Variants in KHDRBS3 observed in about 807,000 individuals in gnomAD.
KHDRBS3 encodes KH RNA binding domain containing, signal transduction associated 3.
KHDRBS3 carries 23 observed loss-of-function variants against 45.6 expected under a neutral mutation model. That is an observed-to-expected ratio of 0.50 (90% CI 0.36 to 0.72). The LOEUF is 0.72. KHDRBS3 is among the 30% of genes least tolerant of loss of function. KHDRBS3 has a pLI of 0.00. For missense variants in KHDRBS3, 352 were observed against 424.8 expected (o/e 0.83, Z 1.51); for synonymous variants, 162 against 156.5 (o/e 1.04, Z -0.26).
At chr8:135,550,068 A>G (rs1199567012) in intron 4 of KHDRBS3, 2 of 152,216 alleles carry the variant, frequency 1.3e-5, no homozygotes, top group African/African-American at 4.8e-5. Flanking sequence ...AGAGTCAGAT[A>G]TGAGTCAGTT....
At chr8:135,589,676 A>G (rs1331978282) in intron 6 of KHDRBS3, among the ~76,000 whole-genome samples, 2 of 152,188 alleles carry the variant, frequency 1.3e-5, no homozygotes, top group Non-Finnish European at 2.9e-5. Context: ...CTCTATGTTT[A>G]CTTACTTGTC....
At chr8:135,529,003 C>A (rs1825332731) in intron 2 of KHDRBS3, among the ~76,000 whole-genome samples, 1 of 152,098 alleles carries the variant, frequency 6.6e-6, no homozygotes, top group Non-Finnish European at 1.5e-5. Flanking sequence ...TTGTTGACAT[C>A]AAGGCAGCCT....
intron 5 of KHDRBS3, among the ~76,000 whole-genome samples, chr8:135,558,580 A>G (rs1827009804): frequency 6.6e-6 from 1 of 152,146 alleles, no homozygotes. Context: ...ATACCTATGG[A>G]TTTTTCTCTA....
rs2130367427 is a variant in KHDRBS3 at position 135,485,896 on chromosome 8, A to G, written c.88+27942A>G. ...TTATTTTTCTAGAGCCTCAAAATAT[A>G]ATGTTTACAAAGATACACCAGGCAA... On this transcript the variant is annotated intron_variant, in intron 1 of 8. Transcript: ENST00000355849. 2.1e-5 allele frequency among the ~76,000 whole-genome samples: 3 copies of G among 140,258 alleles called. 1 individual carries two copies. In the South Asian group the frequency reaches 6.6e-4, roughly 31 times the overall value. The allele number at this position is 140,258 out of a possible 152,430, so 92.0% of individuals were successfully genotyped here. A position where few individuals can be genotyped will look rare whatever the true frequency, so the allele number is the denominator to read the frequency against.
chr8:135,504,497 G>A (rs1230212948), intron 1 of KHDRBS3, among the ~76,000 whole-genome samples: 2 of 152,112 alleles, frequency 1.3e-5, no homozygotes, highest in Non-Finnish European at 2.9e-5. Context: ...CTTTGTCAGA[G>A]GCATAATTAA....
At chr8:135,503,148 G>T (rs1207783235) in intron 1 of KHDRBS3, among the ~76,000 whole-genome samples, 1 of 152,102 alleles carries the variant, frequency 6.6e-6, no homozygotes, top group Non-Finnish European at 1.5e-5. Context: ...TGTACTTTTA[G>T]GACAGGAATA....
chr8:135,625,888 C>T (rs774771954), intron 7 of KHDRBS3: 13 of 773,860 alleles, frequency 1.7e-5, no homozygotes, highest in Non-Finnish European at 2.9e-5. Context: ...ATCTTTGTCA[C>T]GTTCAACTGC....
At chr8:135,632,957 A>G (rs4909297) in intron 7 of KHDRBS3, among the ~76,000 whole-genome samples, 131,172 of 152,140 alleles carry the variant, frequency 0.86, 56,671 homozygotes, top group East Asian at 1. Flanking sequence ...ATTCCTTCAA[A>G]TCTCAGCTCA....
At chr8:135,503,476 A>G (rs1384521523) in intron 1 of KHDRBS3, among the ~76,000 whole-genome samples, 1 of 152,172 alleles carries the variant, frequency 6.6e-6, no homozygotes, top group Non-Finnish European at 1.5e-5. Flanking sequence ...TCTGAGGATT[A>G]AACGTGGCCT....
intron 1 of KHDRBS3, among the ~76,000 whole-genome samples, chr8:135,462,484 A>C (rs563078650): frequency 3.3e-5 from 5 of 152,172 alleles, no homozygotes; most frequent in Non-Finnish European, 7.3e-5. Flanking sequence ...TGCGTTTGAG[A>C]ATGAATTTTC....
intron 4 of KHDRBS3, among the ~76,000 whole-genome samples, chr8:135,655,347 G>A (rs1831510603): frequency 6.6e-6 from 1 of 152,262 alleles, no homozygotes. Context: ...AACTTGCTCC[G>A]AGGACAAAGG....
intron 1 of KHDRBS3, among the ~76,000 whole-genome samples, chr8:135,514,430 A>ATTAT (rs1563734939): frequency 1.3e-5 from 2 of 152,240 alleles, no homozygotes; most frequent in African/African-American, 4.8e-5. Context: ...ATGAGCCTTG[A>ATTAT]GGGCATTATG....
rs771114583 is a variant in KHDRBS3, at chr8:135,548,719, G to A, written c.325-35G>A. 24 of 1,425,316 alleles carry A rather than the reference G, an allele frequency of 1.7e-5. No individual in the cohort carries two copies. The Middle Eastern group carries it at 1.5e-3, about 88-fold the overall frequency. The allele number at this position is 1,425,316 out of a possible 1,614,324, so 88.3% of individuals were successfully genotyped here. ...TATCTTTCATTTCTTATAATGACAC[G>A]TTTTTAAATGTGATTTCTTTTTTCC... On this transcript the variant is annotated intron_variant, in intron 3 of 8. Transcript: ENST00000355849.
chr8:135,568,152 A>G (rs1347586455), intron 5 of KHDRBS3, among the ~76,000 whole-genome samples: 2 of 152,248 alleles, frequency 1.3e-5, no homozygotes, highest in African/African-American at 4.8e-5. Flanking sequence ...AATTTAAAGA[A>G]TATTAAAATA....
At position 135,633,102 on chromosome 8, in the gene KHDRBS3, T is replaced by G. The variant is rs533786992; in HGVS notation, c.891-11957T>G. Among the ~76,000 whole-genome samples the G allele has an allele frequency of 3.9e-5, 6 of 152,340 alleles. No individual in the cohort carries two copies. The South Asian group carries it at 1.2e-3, about 32-fold the overall frequency. ...GCGACGTATTATTTATACATATATATAGTTTATTGTCTGTCTTTCCCATTA... is the reference window on the plus strand; with the variant it reads ...GCGACGTATTATTTATACATATATAGAGTTTATTGTCTGTCTTTCCCATTA... On this transcript the variant is annotated intron_variant, in intron 7 of 8. Coordinates refer to ENST00000355849, the MANE Select transcript of KHDRBS3 (RefSeq NM_006558.3).
downstream of KHDRBS3, chr8:135,648,624 A>G (rs1831367603): frequency 6.6e-6 from 1 of 152,184 alleles, no homozygotes; most frequent in Non-Finnish European, 1.5e-5. Context: ...TGTTCCAATT[A>G]TCCTGACCTG....
At chr8:135,505,512 A>G (rs188920020) in intron 1 of KHDRBS3, among the ~76,000 whole-genome samples, 31 of 152,350 alleles carry the variant, frequency 2.0e-4, no homozygotes, top group Admixed American at 9.8e-4. Context: ...GGGTGTATCA[A>G]TCAGGTAAAC....
intron 7 of KHDRBS3, among the ~76,000 whole-genome samples, chr8:135,620,700 C>G (rs1830100994): frequency 6.6e-6 from 1 of 152,162 alleles, no homozygotes; most frequent in South Asian, 2.1e-4. Context: ...TTGCTTGCAA[C>G]AGAGCTACCA....
intron 1 of KHDRBS3, among the ~76,000 whole-genome samples, chr8:135,517,559 T>C (rs1824675662): frequency 2.0e-5 from 3 of 152,202 alleles, no homozygotes; most frequent in Admixed American, 2.0e-4. Flanking sequence ...AAAAAAAAAT[T>C]AAGCTACTTA....
Sources: gnomAD v4.1 joint callset for allele counts (sites outside exome capture counted in the v4.1 genomes callset) on GRCh38, gnomAD v4.1.1 for gene constraint, MANE v1.5 for transcripts, NCBI Gene and HGNC (gene_info 2026-07-23, HGNC 2026-07-21) for gene names.